SETD1B: variants seen among roughly 807,000 people sequenced by gnomAD.
SETD1B encodes histone-lysine N-methyltransferase SETD1B.
Under a neutral mutation model 148.0 loss-of-function variants are expected in SETD1B, and 7 were observed. The observed-to-expected ratio is 0.05, with a 90% CI of 0.03 to 0.09. The LOEUF is 0.09. Ranked by LOEUF, SETD1B falls within the 10% of genes least tolerant of loss-of-function variation. The pLI is 1.00. For missense variants in SETD1B, 2,155 were observed against 2,729.9 expected, an observed-to-expected ratio of 0.79 and a Z score of 4.69; for synonymous variants, 1,361 against 1,186.5, an observed-to-expected ratio of 1.15 and a Z score of -3.02.
At position 121,805,747 on chromosome 12, in the gene SETD1B, G is replaced by A. The variant is rs770578426; in HGVS notation, c.274-88G>A. On this transcript the variant is annotated intron_variant, in intron 3 of 16. Coordinates refer to ENST00000604567, the MANE Select transcript of SETD1B (RefSeq NM_001353345.2). The surrounding 1 kb of genome is among the most constrained non-coding windows in gnomAD (Gnocchi z 4.2). ...ACCCTTTATTGTTTTCAACGGGTGG[G>A]CGAGTTGCGGGCGGGGCGGGGGGGA... 7.7e-7 allele frequency: 1 copy of A among 1,296,030 alleles called. No homozygotes were observed. The highest frequency in any genetic ancestry group is 1.0e-6 in the Non-Finnish European group (1 of 959,988). The allele number at this position is 1,296,030 out of a possible 1,614,324, so 80.3% of individuals were successfully genotyped here. A position where few individuals can be genotyped will look rare whatever the true frequency, so the allele number is the denominator to read the frequency against.
chr12:121,825,221 A>G lies in SETD1B; in HGVS notation c.5192A>G (p.Lys1731Arg). 6.4e-7 allele frequency: 1 copy of G among 1,551,640 alleles called. No homozygotes were observed. The highest frequency in any genetic ancestry group is 8.7e-7 in the Non-Finnish European group (1 of 1,146,996). The change falls in exon 13 of 17, where the codon AAG becomes AGG. Residue 1731 changes from lysine to arginine, a missense_variant. Coordinates refer to ENST00000604567, the MANE Select transcript of SETD1B (RefSeq NM_001353345.2). ...CCACCCACCAGCCTCTCTTCAGCTA[A>G]GAAGAAGAAACGGGACGATGGCATC... ...YHPSTSLSSA[K>R]KKKRDDGIRE... is the part of the protein sequence containing the mutation.
chr12:121,802,070 G>C (rs74459612), upstream of SETD1B: 1 of 151,710 alleles, frequency 6.6e-6, no homozygotes, highest in East Asian at 2.0e-4. Context: ...CACCAAAGAC[G>C]AGAAAAACAG....
Position 121,809,716 on chromosome 12 carries a change from T to A in SETD1B, c.771T>A (p.Ala257=). 6.4e-7 allele frequency: 1 copy of A among 1,551,550 alleles called. No individual in the cohort carries two copies. Among genetic ancestry groups the A allele is most frequent in the Non-Finnish European group, 8.7e-7 (1 of 1,146,950 alleles). The change falls in exon 6 of 17, where the codon GCT becomes GCA. Residue 257 remains alanine (A), a synonymous_variant. Coordinates refer to ENST00000604567, the MANE Select transcript of SETD1B (RefSeq NM_001353345.2). ...GGACACCCTTCTCCCAGGACACAGCTTATTCCAGCTGCCGCCTGGACACAC... is the reference window on the plus strand; with the variant it reads ...GGACACCCTTCTCCCAGGACACAGCATATTCCAGCTGCCGCCTGGACACAC... The part of the protein sequence containing the change: ...SGGTPFSQDT[A]YSSCRLDTPN...
At position 121,810,517 on chromosome 12, in the gene SETD1B, C is replaced by T. The variant is rs987797385; in HGVS notation, c.1572C>T (p.Thr524=). 21 of 1,546,160 alleles carry T rather than the reference C, an allele frequency of 1.4e-5. No individual in the cohort carries two copies. Among genetic ancestry groups the T allele is most frequent in the East Asian group, 2.4e-5 (1 of 40,916 alleles). Residue 524 remains threonine (T), a synonymous_variant, in exon 6 of 17, where the codon ACC becomes ACT. Coordinates refer to ENST00000604567, the MANE Select transcript of SETD1B (RefSeq NM_001353345.2). The surrounding 1 kb of genome is among the most constrained non-coding windows in gnomAD (Gnocchi z 7.6). Reference sequence around the variant, plus strand: ...TCCTGAGGGAGCCGGACTCGGACACCGAGCTGCAGATGGAGGGCAGCCCCA... The same window carrying T: ...TCCTGAGGGAGCCGGACTCGGACACTGAGCTGCAGATGGAGGGCAGCCCCA... ...LLFLREPDSD[T]ELQMEGSPIS...
intron 6 of SETD1B, among the ~76,000 whole-genome samples, chr12:121,812,068 G>A (rs1443389335): frequency 6.6e-6 from 1 of 151,938 alleles, no homozygotes; most frequent in Non-Finnish European, 1.5e-5. Context: ...GAGGCCCCGG[G>A]AGCGAGGGTC....
Position 121,805,948 on chromosome 12 carries a change from G to A in SETD1B, c.387G>A (p.Val129=). 2 of 1,551,666 alleles carry A rather than the reference G, an allele frequency of 1.3e-6. No homozygotes were observed. The highest frequency in any genetic ancestry group is 1.7e-6 in the Non-Finnish European group (2 of 1,146,976). The change falls in exon 4 of 17, where the codon GTG becomes GTA. Residue 129 remains valine (V), a synonymous_variant. Coordinates refer to ENST00000604567, the MANE Select transcript of SETD1B (RefSeq NM_001353345.2). This position sits in a 1 kb window ranked among gnomAD's most constrained non-coding sequence, Gnocchi z 4.2. The stretch of plus-strand genomic sequence containing the variant: ...ACATGTGCAAGAAGTATGGGGAGGT[G>A]GAGGAGGTGGAGATTTTGTACAACC... The part of the protein sequence containing the change: ...LRDMCKKYGE[V]EEVEILYNPK...
chr12:121,805,595 C>T lies in SETD1B; in HGVS notation c.274-240C>T, dbSNP rs1875699057. Among the ~76,000 whole-genome samples, 1 of 151,880 alleles carries T rather than the reference C, an allele frequency of 6.6e-6. No individual in the cohort carries two copies. The highest frequency in any genetic ancestry group is 1.5e-5 in the Non-Finnish European group (1 of 67,990). On this transcript the variant is annotated intron_variant, in intron 3 of 16. Coordinates refer to ENST00000604567, the MANE Select transcript of SETD1B (RefSeq NM_001353345.2). This position sits in a 1 kb window ranked among gnomAD's most constrained non-coding sequence, Gnocchi z 4.2. ...GAAAGAGAAACTGTTTCTTTTTCCC[C>T]TTTCCTTCCGAACCCAGAGGACTTC...
intron 4 of SETD1B, among the ~76,000 whole-genome samples, chr12:121,807,347 A>G (rs1875793663): frequency 6.7e-6 from 1 of 150,312 alleles, no homozygotes; most frequent in Non-Finnish European, 1.5e-5. Context: ...CTGCAGCACG[A>G]TTTCTCCCTG....
At chr12:121,794,832 G>A in the SETD1B span, among the ~76,000 whole-genome samples, 1 of 152,178 alleles carries the variant, frequency 6.6e-6, no homozygotes, top group African/African-American at 2.4e-5. Flanking sequence ...ATGGCCGAGA[G>A]TGGGATCCTA....
rs371957104 is a variant in SETD1B, at chr12:121,822,662, G to A, written c.4083G>A (p.Pro1361=). The A allele has an allele frequency of 1.1e-4, 168 of 1,549,652 alleles. 1 individual carries two copies. Among genetic ancestry groups the A allele is most frequent in the African/African-American group, 7.7e-4 (56 of 73,032 alleles). ...AGCCCCTTGCCGAGGACCACCCCCC[G>A]CATACTCCAGGCCTCTGTGGCAGCC... is the stretch of plus-strand genomic sequence containing the variant. The part of the protein sequence containing the change: ...PPEPLAEDHP[P]HTPGLCGSLA... Residue 1361 remains proline (P), a synonymous_variant, in exon 12 of 17, where the codon CCG becomes CCA. Coordinates refer to ENST00000604567, the MANE Select transcript of SETD1B (RefSeq NM_001353345.2).
In SETD1B at chr12:121,830,271, G is replaced by A. The variant is rs779061333; in HGVS notation, c.*32G>A. 1.8e-5 allele frequency: 28 copies of A among 1,540,386 alleles called. No individual in the cohort carries two copies. Among genetic ancestry groups the A allele is most frequent in the Admixed American group, 9.9e-5 (5 of 50,568 alleles). ...GCACCAGACTCAAAGGATGTCAGCC[G>A]TAGCCCTGGGACTCCCGAGCGTGGA... On this transcript the variant is annotated 3_prime_UTR_variant, in exon 17 of 17. Transcript: ENST00000604567. The surrounding 1 kb of genome is among the most constrained non-coding windows in gnomAD (Gnocchi z 5.7).
the SETD1B span, chr12:121,795,712 G>A: frequency 6.5e-6 from 1 of 152,970 alleles, no homozygotes. Context: ...GACGACAGGA[G>A]GGAGCCAAGG....
the SETD1B span, among the ~76,000 whole-genome samples, chr12:121,792,973 G>GTC: frequency 1.3e-5 from 2 of 152,240 alleles, no homozygotes; most frequent in African/African-American, 4.8e-5. Flanking sequence ...TTCCACTTAC[G>GTC]TATAGGGCTT....
Position 121,817,268 on chromosome 12 carries a change from C to T in SETD1B, c.2951C>T (p.Ser984Leu), listed in dbSNP as rs770821264. 9.7e-6 allele frequency: 15 copies of T among 1,550,736 alleles called. No homozygotes were observed. The highest frequency in any genetic ancestry group is 1.7e-4 in the Middle Eastern group (1 of 6,012). Residue 984 changes from serine (S) to leucine (L), a missense_variant, in exon 8 of 17, where the codon TCG becomes TTG. Ser to Leu is a moderately radical substitution (Grantham distance 145, BLOSUM62 -2). Transcript: ENST00000604567. This position sits in a 1 kb window ranked among gnomAD's most constrained non-coding sequence, Gnocchi z 8.1. ...GGCGACCAGAAGCGGCTGCGGCCCT[C>T]GACCTCTGTGGATGAGGAAGATGAA... ...SSGDQKRLRP[S>L]TSVDEEDEES...
intron 16 of SETD1B, among the ~76,000 whole-genome samples, chr12:121,829,311 G>A (rs950796478): frequency 6.6e-6 from 1 of 152,178 alleles, no homozygotes; most frequent in Non-Finnish European, 1.5e-5. Context: ...GGGCCTGAGC[G>A]TGGCTGGTGG....
In SETD1B at chr12:121,817,200, C is replaced by T; in HGVS notation, c.2883C>T (p.Ser961=). 6.4e-7 allele frequency: 1 copy of T among 1,550,632 alleles called. No individual in the cohort carries two copies. The highest frequency in any genetic ancestry group is 8.7e-7 in the Non-Finnish European group (1 of 1,146,926). Residue 961 remains serine, a synonymous_variant, in exon 8 of 17, where the codon TCC becomes TCT. Coordinates refer to ENST00000604567, the MANE Select transcript of SETD1B (RefSeq NM_001353345.2). This position sits in a 1 kb window ranked among gnomAD's most constrained non-coding sequence, Gnocchi z 8.1. ...TGCGTGGGGCCATTCGCCTGCCCTC[C>T]TTCAAGGTCAAGAGGAAGGAGCCAC... ...IGLRGAIRLP[S]FKVKRKEPPD...
chr12:121,810,884 T>A lies in SETD1B; in HGVS notation c.1890+49T>A, dbSNP rs1357103029. 1 of 1,448,274 alleles carries A rather than the reference T, an allele frequency of 6.9e-7. No individual in the cohort carries two copies. Among genetic ancestry groups the A allele is most frequent in the African/African-American group, 1.4e-5 (1 of 69,824 alleles). The allele number at this position is 1,448,274 out of a possible 1,614,324, so 89.7% of individuals were successfully genotyped here. On this transcript the variant is annotated intron_variant, in intron 6 of 16. Coordinates refer to ENST00000604567, the MANE Select transcript of SETD1B (RefSeq NM_001353345.2). This position sits in a 1 kb window ranked among gnomAD's most constrained non-coding sequence, Gnocchi z 7.6. The stretch of plus-strand genomic sequence containing the variant: ...TCTGGGACTGGTTTTGTCTATCTTG[T>A]ATCTCCCTTTCCCCCTTCAAGCATT...
chr12:121,829,998 G>A (rs374364317), intron 16 of SETD1B, 68 bp from the exon 17 acceptor site: 3 of 1,449,958 alleles, frequency 2.1e-6, no homozygotes, highest in East Asian at 2.5e-5. Flanking sequence ...GGTTGGGTTT[G>A]GGGGGTCTGC....
In SETD1B at chr12:121,808,131, C is replaced by T. The variant is rs1247433510; in HGVS notation, c.545-77C>T. The T allele has an allele frequency of 8.5e-6, 10 of 1,178,908 alleles. No homozygotes were observed. The highest frequency in any genetic ancestry group is 1.2e-5 in the Non-Finnish European group (10 of 823,070). 73.0% of individuals were successfully genotyped at this position (1,178,908 alleles called of 1,614,324 possible). On this transcript the variant is annotated intron_variant, in intron 4 of 16. Transcript: ENST00000604567. This position sits in a 1 kb window ranked among gnomAD's most constrained non-coding sequence, Gnocchi z 5.3. ...GGGCACAAGGGACCCACCAGGGTGC[C>T]ACACAGGTTGGAATCCTTGTGGGGG... is the stretch of plus-strand genomic sequence containing the variant.
Sources: allele counts gnomAD v4.1 joint callset (sites outside exome capture counted in the v4.1 genomes callset), GRCh38; gene constraint gnomAD v4.1.1; non-coding constraint Gnocchi (gnomAD v3.1); transcripts MANE v1.5; gene names NCBI Gene and HGNC (gene_info 2026-07-23, HGNC 2026-07-21).